The following SORT1 variants were observed in gnomAD, a reference collection of about 807,000 sequenced individuals.
The protein encoded by SORT1 is sortilin 1.
In SORT1, 39 loss-of-function variants were observed where a neutral mutation model predicts 101.7. The ratio of observed to expected loss-of-function variants is 0.38; its 90% CI spans 0.30 to 0.50. The LOEUF is 0.50. Among genes scored for constraint, SORT1 ranks in the 20% least tolerant of loss-of-function variants. SORT1 has a pLI of 0.90. For synonymous variants in SORT1, 396 were observed against 393.7 expected (o/e 1.01, Z -0.07); for missense variants, 878 against 1,040.4 (o/e 0.84, Z 2.15).
At chr1:109,350,423 G>A (rs1649882585) in intron 6 of SORT1, among the ~76,000 whole-genome samples, 1 of 152,176 alleles carries the variant, frequency 6.6e-6, no homozygotes, top group Admixed American at 6.5e-5. Flanking sequence ...TCCTCTTTAA[G>A]CAGGCACCCG....
chr1:109,328,121 C>T (rs1014947015), intron 11 of SORT1, among the ~76,000 whole-genome samples: 2 of 152,148 alleles, frequency 1.3e-5, no homozygotes, highest in African/African-American at 2.4e-5. Flanking sequence ...ACACCCCACA[C>T]TTTATTTACT....
rs761786700 is a variant in SORT1, at chr1:109,354,528, C to T, written c.547G>A (p.Val183Met). ...CCTCCAGACACCTCTGCTGTTAACA[C>T]CACCTGATAGGAAGAGGAAAGATCT... ...AIGPENSGKV[V>M]LTAEVSGGSR... Residue 183 changes from valine to methionine, a missense_variant, in exon 5 of 20, where the codon GTG becomes ATG. By Grantham distance (21) the Val-to-Met change is conservative. Around this residue, in one of 2 missense-constraint regions of SORT1, gnomAD observed 684 missense variants for 894.5 expected, o/e 0.76. Transcript: ENST00000256637. 8 of 1,611,172 alleles carry T rather than the reference C, an allele frequency of 5.0e-6. No homozygotes were observed. The highest frequency in any genetic ancestry group is 6.8e-6 in the Non-Finnish European group (8 of 1,177,926).
chr1:109,326,115 C>T (rs1158647242), intron 13 of SORT1, among the ~76,000 whole-genome samples: 9 of 147,252 alleles, frequency 6.1e-5, no homozygotes, highest in South Asian at 2.1e-4. Flanking sequence ...TGCAGTGGTA[C>T]GATCTCAGCT....
At chr1:109,346,601 C>T (rs928210786) in intron 7 of SORT1, among the ~76,000 whole-genome samples, 7 of 151,790 alleles carry the variant, frequency 4.6e-5, no homozygotes, top group Non-Finnish European at 1.0e-4. Context: ...AAAAATTAGC[C>T]GGGCGTGGTG....
rs374272712 is a variant in SORT1 at position 109,324,949 on chromosome 1, C to A, written c.1784G>T (p.Ser595Ile). 2 of 1,613,696 alleles carry A rather than the reference C, an allele frequency of 1.2e-6. No individual in the cohort carries two copies. The highest frequency in any genetic ancestry group is 2.2e-5 in the South Asian group (2 of 91,042). Residue 595 changes from serine (S) to isoleucine (I), a missense_variant, in exon 14 of 20, where the codon AGC becomes ATC. This residue lies in a region of SORT1 where 684 missense variants were observed against 894.5 expected (regional missense o/e 0.76). Transcript: ENST00000256637. ...ATCAATGGTGTAGGAGACCCACTGG[C>A]TGGTCAGGAAAGATTCTGTGAAGCC... ...IWGFTESFLT[S>I]QWVSYTIDFK...
chr1:109,329,854 G>A (rs1228552066), intron 11 of SORT1, among the ~76,000 whole-genome samples: 22 of 152,126 alleles, frequency 1.4e-4, no homozygotes. Context: ...CCATACAAAT[G>A]GACCTAACAG....
At chr1:109,336,388 G>T in intron 10 of SORT1, 42 bp from the exon 11 acceptor site, 1 of 1,253,628 alleles carries the variant, frequency 8.0e-7, no homozygotes, top group South Asian at 1.2e-5. Context: ...TACACTGGAA[G>T]TACCTAGGTT....
chr1:109,346,341 C>T (rs1649595724), intron 7 of SORT1, among the ~76,000 whole-genome samples: 1 of 149,834 alleles, frequency 6.7e-6, no homozygotes, highest in Admixed American at 6.7e-5. Flanking sequence ...AGTGATACAG[C>T]ATTAGATATA....
Position 109,310,619 on chromosome 1 carries a change from G to GTC in SORT1, c.*3423_*3424insGA, listed in dbSNP as rs1658668696. 1 of 153,286 alleles carries GTC rather than the reference G, an allele frequency of 6.5e-6. No individual in the cohort carries two copies. Among genetic ancestry groups the GTC allele is most frequent in the Non-Finnish European group, 1.5e-5 (1 of 68,042 alleles). The allele number at this position is 153,286 out of a possible 1,614,324, so 9.5% of individuals were successfully genotyped here. A position where few individuals can be genotyped will look rare whatever the true frequency, so the allele number is the denominator to read the frequency against. On this transcript the variant is annotated 3_prime_UTR_variant, in exon 20 of 20. Coordinates refer to ENST00000256637, the MANE Select transcript of SORT1 (RefSeq NM_002959.7). ...TTTAGCACTTCCAAGTATCCTGGATGAATATAGGGGCGAGGGGCTACACTG... is the reference window on the plus strand; with the variant it reads ...TTTAGCACTTCCAAGTATCCTGGATGTCAATATAGGGGCGAGGGGCTACACTG...
At chr1:109,378,713 T>G (rs1570978102) in intron 1 of SORT1, among the ~76,000 whole-genome samples, 2 of 9,042 alleles carry the variant, frequency 2.2e-4, no homozygotes, top group African/African-American at 6.2e-4. Flanking sequence ...TATATATATA[T>G]ATATATATAT....
At chr1:109,333,966 G>A (rs1648633341) in intron 11 of SORT1, among the ~76,000 whole-genome samples, 1 of 152,132 alleles carries the variant, frequency 6.6e-6, no homozygotes, top group Non-Finnish European at 1.5e-5. Flanking sequence ...CCAATATGGT[G>A]AAACCCCGTC....
At chr1:109,329,999 A>T (rs1648350851) in intron 11 of SORT1, among the ~76,000 whole-genome samples, 1 of 152,076 alleles carries the variant, frequency 6.6e-6, no homozygotes, top group African/African-American at 2.4e-5. Flanking sequence ...AATCACCTCA[A>T]GTATCCTTTC....
At chr1:109,359,212 C>T (rs1021676328) in intron 3 of SORT1, among the ~76,000 whole-genome samples, 21 of 152,084 alleles carry the variant, frequency 1.4e-4, no homozygotes, top group Middle Eastern at 3.4e-3. Flanking sequence ...TGTAACCGTA[C>T]ATGACAGAAG....
At chr1:109,359,260 C>A (rs1035150735) in intron 3 of SORT1, among the ~76,000 whole-genome samples, 1 of 152,104 alleles carries the variant, frequency 6.6e-6, no homozygotes, top group African/African-American at 2.4e-5. Flanking sequence ...TATAAGGGGA[C>A]TAATCCCACT....
At chr1:109,348,405 A>T (rs1439568966) in intron 6 of SORT1, among the ~76,000 whole-genome samples, 2 of 152,196 alleles carry the variant, frequency 1.3e-5, no homozygotes, top group Non-Finnish European at 2.9e-5. Flanking sequence ...AAAAAAAAAA[A>T]AACATGTTAC....
intron 10 of SORT1, among the ~76,000 whole-genome samples, chr1:109,340,336 T>C (rs1366817516): frequency 6.6e-6 from 1 of 152,122 alleles, no homozygotes; most frequent in African/African-American, 2.4e-5. Flanking sequence ...TCTGCTTACA[T>C]GAGCTACCTA....
At chr1:109,314,958 T>C (rs1658944074) in intron 17 of SORT1, among the ~76,000 whole-genome samples, 180 bp from the exon 18 acceptor site, 1 of 152,204 alleles carries the variant, frequency 6.6e-6, no homozygotes, top group South Asian at 2.1e-4. Context: ...GAGAATATTA[T>C]AGCTGGCAGA....
At chr1:109,353,321 T>C in intron 5 of SORT1, among the ~76,000 whole-genome samples, 1 of 131,282 alleles carries the variant, frequency 7.6e-6, no homozygotes, top group Non-Finnish European at 1.6e-5. Context: ...AGAGCAAAAC[T>C]CTGTCTCAAA....
rs61797119 is a variant in SORT1, at chr1:109,367,478, T to C, written c.370A>G (p.Ile124Val). Residue 124 changes from isoleucine to valine, a missense_variant, in exon 3 of 20, where the codon ATT (isoleucine) becomes GTT (valine). Physicochemically the swap from Ile to Val is conservative, Grantham distance 29. Coordinates refer to ENST00000256637, the MANE Select transcript of SORT1 (RefSeq NM_002959.7). ...LSWVGDSTGV[I>V]LVLTTFHVPL... ...ACATGGAAGGTAGTCAAGACTAGAA[T>C]GACCTGGAGAGAGAAAAAAGCATTC... is the stretch of plus-strand genomic sequence containing the variant. The C allele has an allele frequency of 3.8e-3, 6,047 of 1,591,560 alleles. 19 individuals carry two copies. Among genetic ancestry groups the C allele is most frequent in the Middle Eastern group, 0.025 (153 of 6,012 alleles).
Sources: gnomAD v4.1 joint callset for allele counts (sites outside exome capture counted in the v4.1 genomes callset) on GRCh38, gnomAD v4.1.1 for gene constraint, gnomAD v4.1.1 regional missense constraint, MANE v1.5 for transcripts, NCBI Gene and HGNC (gene_info 2026-07-23, HGNC 2026-07-21) for gene names.